The following CDC6 variants were observed in gnomAD, a reference collection of about 807,000 sequenced individuals.
The protein encoded by CDC6 is cell division cycle 6, also known as DNA replication factor CDC6.
CDC6 carries 46 observed loss-of-function variants against 60.2 expected under a neutral mutation model. The observed-to-expected ratio is 0.76, with a 90% CI of 0.60 to 0.98. The LOEUF is 0.98. Ranked by LOEUF, CDC6 falls within the 50% of genes least tolerant of loss-of-function variation. CDC6 has a pLI of 0.00. For synonymous variants in CDC6, 210 were observed against 233.2 expected, an observed-to-expected ratio of 0.90 and a Z score of 0.90; for missense variants, 596 against 652.9, an observed-to-expected ratio of 0.91 and a Z score of 0.95.
At chr17:40,293,339 C>A (rs1039644760) in intron 4 of CDC6, 117 bp from the exon 5 acceptor site, 6 of 736,956 alleles carry the variant, frequency 8.1e-6, no homozygotes, top group Non-Finnish European at 1.4e-5. Flanking sequence ...TTAAATCTTT[C>A]CAAATGAAAG....
At chr17:40,291,370 G>C in intron 3 of CDC6, 31 bp downstream of exon 3, 1 of 1,613,544 alleles carries the variant, frequency 6.2e-7, no homozygotes, top group Non-Finnish European at 8.5e-7. Flanking sequence ...TGTTAGTGCA[G>C]CCATTGTAAC....
chr17:40,290,555 G>T (rs888765998), intron 2 of CDC6, among the ~76,000 whole-genome samples: 3 of 152,166 alleles, frequency 2.0e-5, no homozygotes, highest in African/African-American at 7.2e-5. Context: ...TCTACTAAAT[G>T]CAGTAGTCCC....
chr17:40,299,841 G>A (rs905806199), intron 9 of CDC6, among the ~76,000 whole-genome samples: 2 of 152,124 alleles, frequency 1.3e-5, no homozygotes, highest in African/African-American at 4.8e-5. Context: ...GCTTGGGCAA[G>A]TGAACCAAAC....
rs548749508 is a variant in CDC6 at position 40,303,639 on chromosome 17, G to A, written c.*1638G>A. The A allele has an allele frequency of 6.6e-6, 1 of 152,334 alleles. No individual in the cohort carries two copies. Among genetic ancestry groups the A allele is most frequent in the African/African-American group, 2.4e-5 (1 of 41,560 alleles). The allele number at this position is 152,334 out of a possible 1,614,324, so 9.4% of individuals were successfully genotyped here. A position where few individuals can be genotyped will look rare whatever the true frequency, so the allele number is the denominator to read the frequency against. ...ATGTTGTTCTCACACTCCTTTACTAGAGTATTCGTTCCCTCTGAAGGTAGT... is the reference window on the plus strand; with the variant it reads ...ATGTTGTTCTCACACTCCTTTACTAAAGTATTCGTTCCCTCTGAAGGTAGT... On this transcript the variant is annotated 3_prime_UTR_variant, in exon 12 of 12. Coordinates refer to ENST00000209728, the MANE Select transcript of CDC6 (RefSeq NM_001254.4).
Position 40,304,641 on chromosome 17 carries a change from T to C in CDC6, c.*2640T>C, listed in dbSNP as rs1325097042. 1 of 152,200 alleles carries C rather than the reference T, an allele frequency of 6.6e-6. No individual in the cohort carries two copies. Among genetic ancestry groups the C allele is most frequent in the African/African-American group, 2.4e-5 (1 of 41,438 alleles). The allele number at this position is 152,200 out of a possible 1,614,324, so 9.4% of individuals were successfully genotyped here. The stretch of plus-strand genomic sequence containing the variant: ...TGGAAAGAGCATAGACAAAATAAAT[T>C]GTGTGTTTCAACCCCAGAGCTGCCA... On this transcript the variant is annotated 3_prime_UTR_variant, in exon 12 of 12. Coordinates refer to ENST00000209728, the MANE Select transcript of CDC6 (RefSeq NM_001254.4).
rs748392958 is a variant in CDC6, at chr17:40,291,662, C to T, written c.654C>T (p.Asp218=). Residue 218 remains aspartate, a synonymous_variant, in exon 4 of 12, where the codon GAC becomes GAT. Transcript: ENST00000209728. ...CCTGCTTAAGCCGGATTCTGCAAGA[C>T]CTCAAGGTACATTGAGAGTCTGAAT... ...KTACLSRILQ[D]LKKELKGFKT... 6.2e-6 allele frequency: 10 copies of T among 1,613,534 alleles called. No homozygotes were observed. Among genetic ancestry groups the T allele is most frequent in the African/African-American group, 1.3e-5 (1 of 74,912 alleles).
Position 40,295,402 on chromosome 17 carries a change from C to T in CDC6, c.1130C>T (p.Ala377Val). The T allele has an allele frequency of 6.2e-7, 1 of 1,613,682 alleles. No individual in the cohort carries two copies. Among genetic ancestry groups the T allele is most frequent in the Non-Finnish European group, 8.5e-7 (1 of 1,179,758 alleles). Residue 377 changes from alanine to valine, a missense_variant, in exon 8 of 12, where the codon GCC (alanine) becomes GTC (valine). Transcript: ENST00000209728. ...VLDNAAVQFC[A>V]RKVSAVSGDV... ...GACAATGCTGCAGTTCAATTCTGTG[C>T]CCGCAAAGTCTCTGCTGTTTCAGGA...
chr17:40,294,148 C>T, intron 6 of CDC6, 92 bp downstream of exon 6: 1 of 1,111,266 alleles, frequency 9.0e-7, no homozygotes, highest in Non-Finnish European at 1.4e-6. Context: ...TTATCTTAAA[C>T]CAGCTTTCTG....
chr17:40,293,092 A>C (rs974291206), intron 4 of CDC6, among the ~76,000 whole-genome samples: 3 of 152,014 alleles, frequency 2.0e-5, no homozygotes, highest in African/African-American at 7.2e-5. Flanking sequence ...TATAAAAATT[A>C]GCTGGGTGTG....
rs776995600 is a variant in CDC6 at position 40,294,358 on chromosome 17, C to G, written c.944-6C>G. 12 of 1,596,106 alleles carry G rather than the reference C, an allele frequency of 7.5e-6. No homozygotes were observed. In the South Asian group the frequency reaches 1.3e-4, roughly 18 times the overall value. ...CAATGATCAATGTTGTTGATCTCCT[C>G]CTTAGGTATTGCTAATACCCTGGAT... On this transcript the variant is annotated splice_polypyrimidine_tract_variant and splice_region_variant and intron_variant, in intron 6 of 11. Coordinates refer to ENST00000209728, the MANE Select transcript of CDC6 (RefSeq NM_001254.4).
rs768628849 is a variant in CDC6, at chr17:40,304,154, T to A, written c.*2153T>A. 1 of 152,312 alleles carries A rather than the reference T, an allele frequency of 6.6e-6. No individual in the cohort carries two copies. The highest frequency in any genetic ancestry group is 1.5e-5 in the Non-Finnish European group (1 of 68,090). The allele number at this position is 152,312 out of a possible 1,614,324, so 9.4% of individuals were successfully genotyped here. On this transcript the variant is annotated 3_prime_UTR_variant, in exon 12 of 12. Coordinates refer to ENST00000209728, the MANE Select transcript of CDC6 (RefSeq NM_001254.4). ...TTTTCTGTCTACTGATTTGTTAGTTTCCTTTTCTTCTCCCCTCACTGTCAA... is the reference window on the plus strand; with the variant it reads ...TTTTCTGTCTACTGATTTGTTAGTTACCTTTTCTTCTCCCCTCACTGTCAA...
chr17:40,291,322 G>C lies in CDC6; in HGVS notation c.443G>C (p.Arg148Thr). ...CPLKKESACV[R>T]LFKQEGTCYQ... ...CTGAAGAAAGAATCTGCATGTGTGAGACTATTCAAGCAAGAAGGTTTGTTC... is the reference window on the plus strand; with the variant it reads ...CTGAAGAAAGAATCTGCATGTGTGACACTATTCAAGCAAGAAGGTTTGTTC... Residue 148 changes from arginine to threonine, a missense_variant, in exon 3 of 12, where the codon AGA becomes ACA. By Grantham distance (71) the Arg-to-Thr change is moderately conservative (BLOSUM62 -1). Coordinates refer to ENST00000209728, the MANE Select transcript of CDC6 (RefSeq NM_001254.4). The C allele has an allele frequency of 6.2e-7, 1 of 1,614,208 alleles. No homozygotes were observed. The highest frequency in any genetic ancestry group is 8.5e-7 in the Non-Finnish European group (1 of 1,180,034).
At chr17:40,295,288 C>T in intron 7 of CDC6, 68 bp from the exon 8 acceptor site, 1 of 1,022,760 alleles carries the variant, frequency 9.8e-7, no homozygotes, top group Middle Eastern at 2.0e-4. Context: ...AATATTTATG[C>T]TTGGGACCTA....
chr17:40,295,950 T>C (rs1461475888), intron 8 of CDC6, among the ~76,000 whole-genome samples: 1 of 152,066 alleles, frequency 6.6e-6, no homozygotes, highest in African/African-American at 2.4e-5. Flanking sequence ...TGCCGACTGA[T>C]GAAATTTCTT....
chr17:40,293,897 C>A, intron 5 of CDC6, 53 bp from the exon 6 acceptor site: 1 of 1,452,328 alleles, frequency 6.9e-7, no homozygotes, highest in Non-Finnish European at 9.7e-7. Flanking sequence ...CTATATCAAA[C>A]ATTAGAGGGT....
At chr17:40,301,359 G>A in intron 10 of CDC6, 109 bp from the exon 11 acceptor site, 1 of 971,460 alleles carries the variant, frequency 1.0e-6, no homozygotes, top group South Asian at 1.3e-5. Flanking sequence ...GGAAGAAATA[G>A]GGTATTCAGA....
chr17:40,294,091 CTAAAGTATTTTTTAAGAATATA>C, intron 6 of CDC6, 35 bp downstream of exon 6: 4 of 1,440,740 alleles, frequency 2.8e-6, no homozygotes, highest in Non-Finnish European at 3.9e-6. Flanking sequence ...CATGGTGGTT[CTAAAGTATTTTTTAAGAATATA>C]TATTCAGCTT....
intron 10 of CDC6, 143 bp downstream of exon 10, chr17:40,301,173 T>A: frequency 1.4e-6 from 1 of 728,358 alleles, no homozygotes; most frequent in Admixed American, 2.2e-5. Context: ...ACTGGTACTA[T>A]ATAAAAGGCA....
At chr17:40,296,905 T>C (rs762239259) in intron 9 of CDC6, 138 bp downstream of exon 9, 8 of 724,216 alleles carry the variant, frequency 1.1e-5, no homozygotes, top group Non-Finnish European at 2.0e-5. Flanking sequence ...TTTAGTCCGT[T>C]TCGTCTACTT....
Sources: gnomAD v4.1 joint callset for allele counts (sites outside exome capture counted in the v4.1 genomes callset) on GRCh38, gnomAD v4.1.1 for gene constraint, MANE v1.5 for transcripts, NCBI Gene and HGNC (gene_info 2026-07-23, HGNC 2026-07-21) for gene names.